The following MAU2 variants were observed in gnomAD, a reference collection of about 807,000 sequenced individuals.
MAU2 encodes the protein MAU2 sister chromatid cohesion factor, also known as MAU2 chromatid cohesion factor homolog.
MAU2 carries 9 observed loss-of-function variants against 89.1 expected under a neutral mutation model. That is an observed-to-expected ratio of 0.10 (90% CI 0.06 to 0.18). MAU2 has a LOEUF of 0.18. Among genes scored for constraint, MAU2 ranks in the 10% least tolerant of loss-of-function variants. The pLI is 1.00. For missense variants in MAU2, 425 were observed against 803.5 expected, an observed-to-expected ratio of 0.53 and a Z score of 5.69; for synonymous variants, 357 against 343.4, an observed-to-expected ratio of 1.04 and a Z score of -0.44.
chr19:19,328,131 A>G (rs987727997), intron 1 of MAU2, among the ~76,000 whole-genome samples: 5 of 150,366 alleles, frequency 3.3e-5, no homozygotes, highest in African/African-American at 1.2e-4. Flanking sequence ...CTGCAGTCCA[A>G]TCTGGGTGAC....
intron 1 of MAU2, among the ~76,000 whole-genome samples, chr19:19,324,480 C>T (rs181092602): frequency 8.5e-5 from 13 of 152,282 alleles, no homozygotes; most frequent in Admixed American, 7.2e-4. Flanking sequence ...TCTCCATGAA[C>T]AACTCCCACC....
chr19:19,326,706 A>ATATATATATACACGTATATATATATGTT, intron 1 of MAU2, among the ~76,000 whole-genome samples: 1 of 87,012 alleles, frequency 1.1e-5, no homozygotes, highest in Admixed American at 1.3e-4. Context: ...ATATATGTAT[A>ATATATATATACACGTATATATATATGTT]TATATATATA....
chr19:19,338,773 CAG>C (rs1396765681), intron 4 of MAU2, 70 bp from the exon 5 acceptor site: 3 of 1,157,998 alleles, frequency 2.6e-6, no homozygotes, highest in Admixed American at 2.4e-5. Context: ...AGTTTGCTAA[CAG>C]AGCACGAAGG....
At chr19:19,332,726 G>A (rs1039702990) in intron 1 of MAU2, among the ~76,000 whole-genome samples, 9 of 152,274 alleles carry the variant, frequency 5.9e-5, no homozygotes, top group African/African-American at 1.4e-4. Flanking sequence ...ACCCGTGGAC[G>A]GACGGAGCTG....
Position 19,341,423 on chromosome 19 carries a change from C to T in MAU2, c.735+16C>T, listed in dbSNP as rs765110846. 1 of 1,612,876 alleles carries T rather than the reference C, an allele frequency of 6.2e-7. No individual in the cohort carries two copies. Among genetic ancestry groups the T allele is most frequent in the South Asian group, 1.1e-5 (1 of 91,072 alleles). The stretch of plus-strand genomic sequence containing the variant: ...TGCCGGGCAGGTGTGTGGCGCCTCT[C>T]AGGCGAGCTGCTGGTTGTGACCAGT... On this transcript the variant is annotated intron_variant, in intron 7 of 18. Transcript: ENST00000262815.
intron 1 of MAU2, among the ~76,000 whole-genome samples, chr19:19,331,510 A>AAC (rs1285613562): frequency 1.3e-5 from 2 of 151,884 alleles, no homozygotes; most frequent in Non-Finnish European, 1.5e-5. Flanking sequence ...TCAAAAAAAA[A>AAC]AAAATCACGT....
chr19:19,329,201 G>A (rs2061535289), intron 1 of MAU2: 1 of 443,228 alleles, frequency 2.3e-6, no homozygotes, highest in South Asian at 1.6e-5. Flanking sequence ...ACTGTGTCCT[G>A]CTAAATTCCG....
chr19:19,340,593 C>G (rs531309534), intron 5 of MAU2, among the ~76,000 whole-genome samples: 79 of 152,062 alleles, frequency 5.2e-4, no homozygotes, highest in South Asian at 8.3e-4. Flanking sequence ...GAGCTGAGAC[C>G]GCACCACTGC....
At chr19:19,324,565 G>A (rs572130447) in intron 1 of MAU2, among the ~76,000 whole-genome samples, 6 of 152,306 alleles carry the variant, frequency 3.9e-5, no homozygotes, top group East Asian at 1.9e-4. Context: ...GTGTACTGTC[G>A]TATTTTGCCC....
intron 7 of MAU2, 33 bp from the exon 8 acceptor site, chr19:19,342,502 T>C (rs1275011247): frequency 6.5e-7 from 1 of 1,528,114 alleles, no homozygotes; most frequent in Admixed American, 2.0e-5. Context: ...GAGGCCAGGC[T>C]CAGGTGGATG....
At position 19,345,266 on chromosome 19, in the gene MAU2, C is replaced by T; in HGVS notation, c.1156-38C>T. The T allele has an allele frequency of 6.3e-7, 1 of 1,593,774 alleles. No homozygotes were observed. Among genetic ancestry groups the T allele is most frequent in the Non-Finnish European group, 8.6e-7 (1 of 1,162,134 alleles). ...GTGTCTCTGATCTGAGCCCCCTCCC[C>T]AGGGGCCGGCCCTGATGACAACACC... On this transcript the variant is annotated intron_variant, in intron 11 of 18. Coordinates refer to ENST00000262815, the MANE Select transcript of MAU2 (RefSeq NM_015329.4). The surrounding 1 kb of genome is among the most constrained non-coding windows in gnomAD (Gnocchi z 4.9).
chr19:19,355,705 C>T lies in MAU2; in HGVS notation c.1768-3C>T, dbSNP rs746917860. The T allele has an allele frequency of 6.2e-6, 10 of 1,608,396 alleles. No homozygotes were observed. The South Asian group carries it at 1.1e-4, about 18-fold the overall frequency. On this transcript the variant is annotated splice_polypyrimidine_tract_variant and splice_region_variant and intron_variant, in intron 18 of 18. Coordinates refer to ENST00000262815, the MANE Select transcript of MAU2 (RefSeq NM_015329.4). Reference sequence around the variant, plus strand: ...TCACTCGCATGTCCTCTCCTCCCCACAGTGGACAGACGGTCCACCCCCCGT... The same window carrying T: ...TCACTCGCATGTCCTCTCCTCCCCATAGTGGACAGACGGTCCACCCCCCGT...
intron 1 of MAU2, among the ~76,000 whole-genome samples, chr19:19,330,633 G>A (rs565265967): frequency 3.3e-5 from 5 of 152,242 alleles, no homozygotes; most frequent in African/African-American, 9.6e-5. Context: ...CCAGCTACTC[G>A]GGAGGCTGAG....
chr19:19,350,471 G>C (rs2061733719), intron 16 of MAU2, among the ~76,000 whole-genome samples: 1 of 151,588 alleles, frequency 6.6e-6, no homozygotes, highest in African/African-American at 2.4e-5. Flanking sequence ...AGGTGTGGTG[G>C]CACACATCTG....
intron 1 of MAU2, chr19:19,329,032 T>TA (rs1159613875): frequency 8.8e-6 from 4 of 455,958 alleles, no homozygotes; most frequent in Non-Finnish European, 1.8e-5. Flanking sequence ...GCTGGTCAGA[T>TA]ACTTAATTCT....
rs375191199 is a variant in MAU2, at chr19:19,347,310, A to G, written c.1252A>G (p.Ile418Val). Residue 418 changes from isoleucine (I) to valine (V), a missense_variant, in exon 13 of 19, where the codon ATC becomes GTC. Transcript: ENST00000262815. ...LTNHQELWAF[I>V]VTNLASVYIR... ...CAACCACCAGGAGCTGTGGGCCTTC[A>G]TCGTCACCAACCTGGCGAGTGTGTA... 34 of 1,613,796 alleles carry G rather than the reference A, an allele frequency of 2.1e-5. No individual in the cohort carries two copies. The highest frequency in any genetic ancestry group is 2.7e-5 in the African/African-American group (2 of 74,890).
intron 16 of MAU2, among the ~76,000 whole-genome samples, chr19:19,350,297 G>GAAAA (rs60619538): frequency 7.7e-6 from 1 of 130,358 alleles, no homozygotes; most frequent in East Asian, 2.3e-4. Context: ...CTCTGTCTCA[G>GAAAA]AAAAAAAAAA....
intron 1 of MAU2, among the ~76,000 whole-genome samples, chr19:19,327,181 G>C (rs2061516708): frequency 1.3e-5 from 2 of 150,290 alleles, no homozygotes; most frequent in African/African-American, 2.5e-5. Context: ...GAGTGCAGTG[G>C]CGCAATCTCA....
At chr19:19,340,143 C>T (rs1357799338) in intron 5 of MAU2, among the ~76,000 whole-genome samples, 11 of 141,962 alleles carry the variant, frequency 7.7e-5, no homozygotes, top group African/African-American at 2.4e-4. Context: ...CCAGCCTGGG[C>T]GACAGAGCGA....
Sources: gnomAD v4.1 joint callset for allele counts (sites outside exome capture counted in the v4.1 genomes callset) on GRCh38, gnomAD v4.1.1 for gene constraint, Gnocchi (gnomAD v3.1) non-coding constraint, MANE v1.5 for transcripts, NCBI Gene and HGNC (gene_info 2026-07-23, HGNC 2026-07-21) for gene names.